Variants in LRRC4C observed in about 807,000 individuals in gnomAD.
LRRC4C encodes leucine rich repeat containing 4C.
In LRRC4C, 5 loss-of-function variants were observed where a neutral mutation model predicts 33.6. That is an observed-to-expected ratio of 0.15 (90% confidence interval 0.08 to 0.31). The LOEUF (loss-of-function observed/expected upper bound fraction) is 0.31. Ranked by LOEUF, LRRC4C falls within the 10% of genes least tolerant of loss-of-function variation. The pLI is 1.00. For synonymous variants in LRRC4C, 329 were observed against 302.0 expected (o/e 1.09, Z -0.93); for missense variants, 560 against 796.7 (o/e 0.70, Z 3.58).
Position 40,898,353 on chromosome 11 carries a change from C to CAAAAAAAAAAAAAAAAAAAAAAAAAAAAA in LRRC4C, c.-407+35281_-407+35282insTTTTTTTTTTTTTTTTTTTTTTTTTTTTT, listed in dbSNP as rs765252333. Among the ~76,000 whole-genome samples the CAAAAAAAAAAAAAAAAAAAAAAAAAAAAA allele has an allele frequency of 5.2e-4, 20 of 38,346 alleles. 1 individual carries two copies. The highest frequency in any genetic ancestry group is 1.7e-3 in the African/African-American group (16 of 9,594). The allele number at this position is 38,346 out of a possible 152,430, so 25.2% of individuals were successfully genotyped here. On this transcript the variant is annotated intron_variant, in intron 2 of 6. Coordinates refer to ENST00000528697, the MANE Select transcript of LRRC4C (RefSeq NM_001258419.2). ...GGGCAACAAGAGTGAAACTCCATCT[C>CAAAAAAAAAAAAAAAAAAAAAAAAAAAAA]AAAAAAAAAAAAAAAAAAAGAAAAA...
At chr11:41,024,685 T>C (rs772230239) in intron 1 of LRRC4C, among the ~76,000 whole-genome samples, 9 of 151,718 alleles carry the variant, frequency 5.9e-5, no homozygotes, top group Non-Finnish European at 8.9e-5. Flanking sequence ...CTTTGATTTA[T>C]GTTTCATTTC....
At chr11:40,234,728 G>A (rs568212440) in intron 5 of LRRC4C, among the ~76,000 whole-genome samples, 1 of 152,298 alleles carries the variant, frequency 6.6e-6, no homozygotes, top group African/African-American at 2.4e-5. Context: ...CCATGACTGT[G>A]CCACTGCACT....
intron 1 of LRRC4C, among the ~76,000 whole-genome samples, chr11:40,945,506 C>T (rs1229854182): frequency 6.6e-6 from 1 of 152,130 alleles, no homozygotes; most frequent in East Asian, 1.9e-4. Context: ...TGAACACAAT[C>T]GTACCCCTTA....
chr11:40,993,370 A>T (rs1853724649), intron 1 of LRRC4C, among the ~76,000 whole-genome samples: 1 of 152,226 alleles, frequency 6.6e-6, no homozygotes. Context: ...GAACTGGCCC[A>T]CACATAATAT....
intron 3 of LRRC4C, among the ~76,000 whole-genome samples, chr11:40,476,496 C>T (rs1953241237): frequency 6.6e-6 from 1 of 151,806 alleles, no homozygotes; most frequent in African/African-American, 2.4e-5. Flanking sequence ...CGGGCACATG[C>T]CACCATGTCT....
chr11:41,152,046 G>A (rs1317741595), intron 1 of LRRC4C, among the ~76,000 whole-genome samples: 3 of 152,026 alleles, frequency 2.0e-5, no homozygotes, highest in Non-Finnish European at 2.9e-5. Context: ...TGAACTTCAT[G>A]GACCACGAAC....
chr11:40,591,214 GTA>G (rs1281621285), intron 3 of LRRC4C, among the ~76,000 whole-genome samples: 2 of 152,284 alleles, frequency 1.3e-5, no homozygotes, highest in Admixed American at 1.3e-4. Flanking sequence ...GAAAAGCGCA[GTA>G]TTCGGGTGGG....
At chr11:40,194,382 T>A (rs2135653438) in intron 5 of LRRC4C, among the ~76,000 whole-genome samples, 1 of 152,248 alleles carries the variant, frequency 6.6e-6, no homozygotes, top group South Asian at 2.1e-4. Context: ...AAATAAAATC[T>A]TTTCCAGACA....
intron 2 of LRRC4C, among the ~76,000 whole-genome samples, chr11:40,687,200 C>T (rs1945004286): frequency 6.6e-6 from 1 of 152,050 alleles, no homozygotes; most frequent in African/African-American, 2.4e-5. Flanking sequence ...ATACAATGCC[C>T]AAAGTCACAC....
chr11:40,841,335 T>C (rs1952902951), intron 2 of LRRC4C, among the ~76,000 whole-genome samples: 1 of 152,142 alleles, frequency 6.6e-6, no homozygotes, highest in Non-Finnish European at 1.5e-5. Context: ...ATGGTCAGTG[T>C]TATGGACTGA....
intron 3 of LRRC4C, among the ~76,000 whole-genome samples, chr11:40,577,425 G>T (rs1958240004): frequency 6.6e-6 from 1 of 152,178 alleles, no homozygotes; most frequent in African/African-American, 2.4e-5. Flanking sequence ...CTAGTAATAT[G>T]CCAGGATAAC....
intron 1 of LRRC4C, among the ~76,000 whole-genome samples, chr11:41,195,350 G>A (rs953243909): frequency 4.6e-5 from 7 of 151,704 alleles, no homozygotes; most frequent in African/African-American, 1.7e-4. Flanking sequence ...ATCGAAAAAA[G>A]GCATCATTAA....
Position 40,518,137 on chromosome 11 carries a change from G to C in LRRC4C, c.-270+130005C>G, listed in dbSNP as rs189452986. Among the ~76,000 whole-genome samples, 89 of 152,222 alleles carry C rather than the reference G, an allele frequency of 5.8e-4. 1 individual carries two copies. The highest frequency in any genetic ancestry group is 2.1e-3 in the African/African-American group (87 of 41,542). On this transcript the variant is annotated intron_variant, in intron 3 of 6. Coordinates refer to ENST00000528697, the MANE Select transcript of LRRC4C (RefSeq NM_001258419.2). ...AGGTGGATTAAAGACTTAAATGTAA[G>C]ACCTTAAACCATAAAAATCCTAGAA... is the stretch of plus-strand genomic sequence containing the variant.
intron 1 of LRRC4C, among the ~76,000 whole-genome samples, chr11:41,387,421 A>G (rs1223463951): frequency 6.6e-6 from 1 of 151,732 alleles, no homozygotes; most frequent in Admixed American, 6.6e-5. Flanking sequence ...ATCACAGTCA[A>G]CAGATTTGGT....
At chr11:40,162,480 C>A (rs925406863) in intron 5 of LRRC4C, among the ~76,000 whole-genome samples, 1 of 152,078 alleles carries the variant, frequency 6.6e-6, no homozygotes, top group Non-Finnish European at 1.5e-5. Context: ...GAAGAAAGCA[C>A]CTCTCTTGAT....
At chr11:40,130,798 G>A (rs1390436713) in intron 6 of LRRC4C, among the ~76,000 whole-genome samples, 3 of 152,054 alleles carry the variant, frequency 2.0e-5, no homozygotes, top group Non-Finnish European at 4.4e-5. Flanking sequence ...AGTGTGTTCC[G>A]ACTCTAAAAA....
chr11:41,048,750 C>G lies in LRRC4C; in HGVS notation c.-495-115027G>C, dbSNP rs569979952. On this transcript the variant is annotated intron_variant, in intron 1 of 6. Transcript: ENST00000528697. The stretch of plus-strand genomic sequence containing the variant: ...GCTTTTAAATCTTTAATATTTTATT[C>G]CTTCATTCTCCATATATTAGTCTGG... 3.3e-5 allele frequency among the ~76,000 whole-genome samples: 5 copies of G among 152,238 alleles called. No individual in the cohort carries two copies. In the South Asian group the frequency reaches 6.2e-4, roughly 19 times the overall value.
At chr11:40,491,933 T>C (rs1246875779) in intron 3 of LRRC4C, among the ~76,000 whole-genome samples, 1 of 152,174 alleles carries the variant, frequency 6.6e-6, no homozygotes, top group African/African-American at 2.4e-5. Context: ...TACCATATTG[T>C]AGCACAAGTT....
chr11:40,937,001 A>T (rs1250031614), intron 1 of LRRC4C, among the ~76,000 whole-genome samples: 1 of 152,224 alleles, frequency 6.6e-6, no homozygotes, highest in Non-Finnish European at 1.5e-5. Context: ...TAACTGTCTA[A>T]CATTGTCAGC....
Sources: allele counts gnomAD v4.1 joint callset (sites outside exome capture counted in the v4.1 genomes callset), GRCh38; gene constraint gnomAD v4.1.1; transcripts MANE v1.5; gene names NCBI Gene and HGNC (gene_info 2026-07-23, HGNC 2026-07-21).